Variants in IQGAP2 observed in about 807,000 individuals in gnomAD.
IQGAP2 encodes the protein IQ motif containing GTPase activating protein 2.
In IQGAP2, 173 loss-of-function variants were observed where a neutral mutation model predicts 201.3. The ratio of observed to expected loss-of-function variants is 0.86; its 90% CI spans 0.76 to 0.98. The LOEUF (loss-of-function observed/expected upper bound fraction) is 0.98. IQGAP2 is among the 50% of genes least tolerant of loss of function. The pLI is 0.00. For missense variants in IQGAP2, 1,687 were observed against 1,864.8 expected (o/e 0.90, Z 1.76); for synonymous variants, 675 against 673.9 (o/e 1.00, Z -0.03).
At chr5:76,650,771 G>A (rs759678510) in intron 17 of IQGAP2, among the ~76,000 whole-genome samples, 9 of 151,948 alleles carry the variant, frequency 5.9e-5, no homozygotes, top group Non-Finnish European at 8.8e-5. Flanking sequence ...ATCCCTCCCC[G>A]CTCCCTTACT....
chr5:76,683,821 T>C lies in IQGAP2; in HGVS notation c.3809T>C (p.Leu1270Pro). 1 of 1,613,698 alleles carries C rather than the reference T, an allele frequency of 6.2e-7. No homozygotes were observed. Residue 1270 changes from leucine (L) to proline (P), a missense_variant, in exon 30 of 36, where the codon CTA becomes CCA. Leu to Pro is a moderately conservative substitution (Grantham distance 98, BLOSUM62 -3). Coordinates refer to ENST00000274364, the MANE Select transcript of IQGAP2 (RefSeq NM_006633.5). Reference sequence around the variant, plus strand: ...AATGACCCTAACAAGGCAAATACACTAAGTCAGCTTTCAAAGACCGAGATT... The same window carrying C: ...AATGACCCTAACAAGGCAAATACACCAAGTCAGCTTTCAAAGACCGAGATT... ...DPNDPNKANT[L>P]SQLSKTEISL...
chr5:76,626,873 G>T (rs908664967), intron 13 of IQGAP2, among the ~76,000 whole-genome samples: 3 of 152,122 alleles, frequency 2.0e-5, no homozygotes, highest in African/African-American at 7.2e-5. Context: ...CACAGTGAGG[G>T]TAGAGTATTG....
intron 2 of IQGAP2, among the ~76,000 whole-genome samples, chr5:76,559,687 C>T (rs1744202034): frequency 6.6e-6 from 1 of 152,162 alleles, no homozygotes; most frequent in Non-Finnish European, 1.5e-5. Context: ...TCGTTTCATT[C>T]GATGTCATTT....
intron 1 of IQGAP2, among the ~76,000 whole-genome samples, chr5:76,409,947 TG>T (rs1751018789): frequency 6.6e-6 from 1 of 152,234 alleles, no homozygotes; most frequent in Non-Finnish European, 1.5e-5. Flanking sequence ...GGTTTTCTCC[TG>T]TACCTTGAGA....
chr5:76,427,470 A>G (rs1215207053), intron 1 of IQGAP2, among the ~76,000 whole-genome samples: 1 of 152,186 alleles, frequency 6.6e-6, no homozygotes, highest in Non-Finnish European at 1.5e-5. Context: ...GTGCATGAAT[A>G]ATGAGGTCTT....
intron 1 of IQGAP2, among the ~76,000 whole-genome samples, chr5:76,405,611 G>A (rs1053267472): frequency 2.0e-4 from 30 of 152,196 alleles, no homozygotes; most frequent in African/African-American, 6.8e-4. Flanking sequence ...TTCAGAACAT[G>A]ATATCTAGCA....
chr5:76,412,069 T>A (rs1751155505), intron 1 of IQGAP2, among the ~76,000 whole-genome samples: 2 of 152,204 alleles, frequency 1.3e-5, no homozygotes, highest in Admixed American at 1.3e-4. Flanking sequence ...TATTCGTTTA[T>A]TCATTCACAA....
chr5:76,690,876 C>G (rs1310474910), intron 30 of IQGAP2, among the ~76,000 whole-genome samples: 1 of 152,234 alleles, frequency 6.6e-6, no homozygotes, highest in Non-Finnish European at 1.5e-5. Context: ...TGGCGGCCAT[C>G]ATGGGCAGCA....
intron 13 of IQGAP2, among the ~76,000 whole-genome samples, chr5:76,613,443 A>G (rs754896257): frequency 7.9e-5 from 12 of 152,214 alleles, no homozygotes; most frequent in Admixed American, 2.0e-4. Flanking sequence ...TTATTTTTGC[A>G]TGTATAAAAT....
intron 30 of IQGAP2, among the ~76,000 whole-genome samples, chr5:76,692,312 C>A (rs994580935): frequency 6.6e-5 from 10 of 152,166 alleles, no homozygotes; most frequent in Non-Finnish European, 1.2e-4. Context: ...CCACCATGCC[C>A]AGCTAATTTT....
chr5:76,582,257 A>G (rs1286564148), intron 5 of IQGAP2, among the ~76,000 whole-genome samples: 31 of 152,228 alleles, frequency 2.0e-4, no homozygotes, highest in Non-Finnish European at 2.9e-5. Flanking sequence ...AATTAAAAGA[A>G]CACTGGTATC....
chr5:76,644,653 C>T (rs1375514554), intron 17 of IQGAP2, among the ~76,000 whole-genome samples: 2 of 151,920 alleles, frequency 1.3e-5, no homozygotes, highest in Non-Finnish European at 2.9e-5. Context: ...AACTGTATAC[C>T]CATATTTGCT....
intron 2 of IQGAP2, among the ~76,000 whole-genome samples, chr5:76,562,010 T>A (rs1744407291): frequency 6.6e-6 from 1 of 152,202 alleles, no homozygotes; most frequent in Non-Finnish European, 1.5e-5. Context: ...ACAGACCGTA[T>A]AAGAATTGCC....
At chr5:76,510,001 G>GT (rs1757862047) in intron 2 of IQGAP2, among the ~76,000 whole-genome samples, 1 of 74,504 alleles carries the variant, frequency 1.3e-5, no homozygotes, top group Admixed American at 1.3e-4. Flanking sequence ...TTTTTTTTTT[G>GT]TTTGTTTTTT....
At chr5:76,655,341 A>G (rs1752828808) in intron 20 of IQGAP2, among the ~76,000 whole-genome samples, 1 of 152,148 alleles carries the variant, frequency 6.6e-6, no homozygotes, top group African/African-American at 2.4e-5. Context: ...ATAACCTTAT[A>G]TTTAAATTGT....
chr5:76,654,504 AC>A (rs1436146144), intron 19 of IQGAP2, among the ~76,000 whole-genome samples: 12 of 152,198 alleles, frequency 7.9e-5, no homozygotes, highest in African/African-American at 2.9e-4. Context: ...TGAGGGGAAA[AC>A]TGTGGGCTAG....
chr5:76,676,010 G>C lies in IQGAP2; in HGVS notation c.3528-1208G>C, dbSNP rs534169440. ...ATGGGAGGATCACTTGAGCCTTGGA[G>C]GTCAAGGCTGCAGTGAGCCGTGTTT... is the stretch of plus-strand genomic sequence containing the variant. On this transcript the variant is annotated intron_variant, in intron 27 of 35. Coordinates refer to ENST00000274364, the MANE Select transcript of IQGAP2 (RefSeq NM_006633.5). Among the ~76,000 whole-genome samples, 4 of 151,686 alleles carry C rather than the reference G, an allele frequency of 2.6e-5. No homozygotes were observed. The East Asian group carries it at 7.8e-4, about 30-fold the overall frequency.
At chr5:76,553,153 A>G (rs1224630618) in intron 2 of IQGAP2, among the ~76,000 whole-genome samples, 1 of 152,224 alleles carries the variant, frequency 6.6e-6, no homozygotes, top group African/African-American at 2.4e-5. Flanking sequence ...CCTCCAGCTA[A>G]TGAAAAGTTT....
At chr5:76,405,462 A>C (rs1750743860) in intron 1 of IQGAP2, among the ~76,000 whole-genome samples, 1 of 152,234 alleles carries the variant, frequency 6.6e-6, no homozygotes. Context: ...GTCACTTAAC[A>C]CTGTCAAAAT....
Sources: allele counts gnomAD v4.1 joint callset (sites outside exome capture counted in the v4.1 genomes callset), GRCh38; gene constraint gnomAD v4.1.1; transcripts MANE v1.5; gene names NCBI Gene and HGNC (gene_info 2026-07-23, HGNC 2026-07-21).